CNTNAP5: variants seen among roughly 807,000 people sequenced by gnomAD.
The protein encoded by CNTNAP5 is contactin-associated protein-like 5.
In CNTNAP5, 72 loss-of-function variants were observed where a neutral mutation model predicts 150.2. The observed-to-expected ratio is 0.48, with a 90% CI of 0.40 to 0.58. CNTNAP5 has a LOEUF of 0.58. CNTNAP5 is among the 20% of genes least tolerant of loss of function. CNTNAP5 has a pLI of 0.00. For synonymous variants in CNTNAP5, 672 were observed against 619.8 expected (o/e 1.08, Z -1.25); for missense variants, 1,636 against 1,626.2 (o/e 1.01, Z -0.10).
intron 3 of CNTNAP5, among the ~76,000 whole-genome samples, chr2:124,349,507 C>T (rs963990943): frequency 1.3e-5 from 2 of 152,132 alleles, no homozygotes; most frequent in Non-Finnish European, 1.5e-5. Context: ...TCACATCCCT[C>T]ATGTTTGTTA....
intron 17 of CNTNAP5, among the ~76,000 whole-genome samples, chr2:124,775,018 A>G (rs1681290442): frequency 6.6e-6 from 1 of 152,186 alleles, no homozygotes; most frequent in Non-Finnish European, 1.5e-5. Flanking sequence ...CTGTGGCAAG[A>G]GCACCTGCTT....
chr2:124,451,043 A>ATATAT (rs1452242767), intron 6 of CNTNAP5, among the ~76,000 whole-genome samples: 4 of 74,844 alleles, frequency 5.3e-5, no homozygotes, highest in African/African-American at 2.2e-4. Flanking sequence ...AAAAAAAAAA[A>ATATAT]AAAAAAAAAT....
At position 124,547,882 on chromosome 2, in the gene CNTNAP5, A is replaced by G. The variant is rs1695549066; in HGVS notation, c.1650-15335A>G. Among the ~76,000 whole-genome samples, 3 of 152,262 alleles carry G rather than the reference A, an allele frequency of 2.0e-5. No homozygotes were observed. The South Asian group carries it at 6.2e-4, about 32-fold the overall frequency. ...AGGAGCCAGCAACCTGGTTGTATTC[A>G]AGCCCTGAGGTTCAGCATTTCCTGA... On this transcript the variant is annotated intron_variant, in intron 10 of 23. Transcript: ENST00000682447.
chr2:124,816,221 C>A (rs889250047), intron 19 of CNTNAP5, among the ~76,000 whole-genome samples: 3 of 152,124 alleles, frequency 2.0e-5, no homozygotes, highest in Non-Finnish European at 4.4e-5. Context: ...GGTCAAGAGT[C>A]CAATCACCAT....
At chr2:124,508,765 G>C (rs1318646201) in intron 8 of CNTNAP5, among the ~76,000 whole-genome samples, 1 of 152,160 alleles carries the variant, frequency 6.6e-6, no homozygotes, top group Non-Finnish European at 1.5e-5. Context: ...TGGAAAATTT[G>C]AACTTAATGT....
intron 14 of CNTNAP5, among the ~76,000 whole-genome samples, chr2:124,752,749 C>A (rs1680755708): frequency 6.6e-6 from 1 of 152,168 alleles, no homozygotes; most frequent in South Asian, 2.1e-4. Flanking sequence ...GGTTTCTGAA[C>A]CAGCTACTTT....
At chr2:124,128,938 C>T (rs2104598974) in intron 1 of CNTNAP5, among the ~76,000 whole-genome samples, 1 of 152,200 alleles carries the variant, frequency 6.6e-6, no homozygotes, top group African/African-American at 2.4e-5. Context: ...AGAGGGATAG[C>T]ACTAGGAGAT....
At chr2:124,437,933 A>G (rs1692575557) in intron 5 of CNTNAP5, among the ~76,000 whole-genome samples, 1 of 152,136 alleles carries the variant, frequency 6.6e-6, no homozygotes, top group South Asian at 2.1e-4. Context: ...TTCATCTGCA[A>G]TGTTTATTCA....
chr2:124,614,997 AC>A (rs1677465797), intron 12 of CNTNAP5, among the ~76,000 whole-genome samples: 1 of 146,010 alleles, frequency 6.8e-6, no homozygotes, highest in African/African-American at 2.5e-5. Context: ...AAAAAAAAAA[AC>A]CAAAGTCTAT....
At chr2:124,907,585 A>G (rs1678564401) in intron 22 of CNTNAP5, among the ~76,000 whole-genome samples, 1 of 149,012 alleles carries the variant, frequency 6.7e-6, no homozygotes, top group African/African-American at 2.4e-5. Context: ...AATTATATCT[A>G]TATCTATATT....
chr2:124,293,549 G>A (rs1688353257), intron 3 of CNTNAP5, among the ~76,000 whole-genome samples: 1 of 151,968 alleles, frequency 6.6e-6, no homozygotes, highest in Admixed American at 6.6e-5. Context: ...ATAATGTTCA[G>A]CAAATTATAT....
chr2:124,611,918 C>T (rs1677392396), intron 12 of CNTNAP5, among the ~76,000 whole-genome samples: 1 of 152,138 alleles, frequency 6.6e-6, no homozygotes, highest in African/African-American at 2.4e-5. Context: ...CAGAGGCAGA[C>T]ATTTTTTTTA....
rs373698520 is a variant in CNTNAP5 at position 124,423,757 on chromosome 2, C to T, written c.529+6167C>T. ...GCGGCTCACTGCAAGCTCCGCCTCC[C>T]AGGTTCACGCCATTCTCCTGCCTCA... On this transcript the variant is annotated intron_variant, in intron 4 of 23. Coordinates refer to ENST00000682447, the MANE Select transcript of CNTNAP5 (RefSeq NM_001367498.1). 1.8e-3 allele frequency among the ~76,000 whole-genome samples: 252 copies of T among 142,520 alleles called. 3 individuals are homozygous for T. The highest frequency in any genetic ancestry group is 9.5e-3 in the Admixed American group (133 of 14,024). 93.5% of individuals were successfully genotyped at this position (142,520 alleles called of 152,430 possible).
chr2:124,488,407 T>C (rs1693941217), intron 7 of CNTNAP5, among the ~76,000 whole-genome samples: 1 of 152,140 alleles, frequency 6.6e-6, no homozygotes, highest in African/African-American at 2.4e-5. Flanking sequence ...AAAAATGAGG[T>C]TCGGTAACAT....
intron 1 of CNTNAP5, among the ~76,000 whole-genome samples, chr2:124,139,100 T>G (rs1684043910): frequency 6.6e-6 from 1 of 152,156 alleles, no homozygotes; most frequent in African/African-American, 2.4e-5. Flanking sequence ...AATTATCCAT[T>G]GTTTTATTTT....
At chr2:124,434,778 G>A in intron 5 of CNTNAP5, 91 bp downstream of exon 5, 1 of 1,103,348 alleles carries the variant, frequency 9.1e-7, no homozygotes, top group South Asian at 1.5e-5. Flanking sequence ...TGTATCTGGT[G>A]GAAGTCACTG....
intron 3 of CNTNAP5, among the ~76,000 whole-genome samples, chr2:124,264,650 G>C (rs1687557240): frequency 1.3e-5 from 2 of 152,140 alleles, no homozygotes; most frequent in African/African-American, 4.8e-5. Flanking sequence ...AGGCTCATGT[G>C]GGGTGGGATG....
chr2:124,347,792 T>C (rs760869441), intron 3 of CNTNAP5, among the ~76,000 whole-genome samples: 1 of 152,056 alleles, frequency 6.6e-6, no homozygotes, highest in Non-Finnish European at 1.5e-5. Context: ...CCCACACAAA[T>C]GTAGACATAT....
At chr2:124,316,527 CG>C (rs1164451341) in intron 3 of CNTNAP5, among the ~76,000 whole-genome samples, 1 of 151,990 alleles carries the variant, frequency 6.6e-6, no homozygotes, top group African/African-American at 2.4e-5. Flanking sequence ...CTCTCACAGC[CG>C]GGCACGGTGG....
Sources: allele counts gnomAD v4.1 joint callset (sites outside exome capture counted in the v4.1 genomes callset), GRCh38; gene constraint gnomAD v4.1.1; transcripts MANE v1.5; gene names NCBI Gene and HGNC (gene_info 2026-07-23, HGNC 2026-07-21).